Variants in LSAMP observed in about 807,000 individuals in gnomAD.
The protein encoded by LSAMP is limbic system associated membrane protein, also known as limbic system-associated membrane protein.
LSAMP carries 7 observed loss-of-function variants against 38.6 expected under a neutral mutation model. The observed-to-expected ratio is 0.18, with a 90% CI of 0.10 to 0.34. The LOEUF is 0.34. LSAMP is among the 10% of genes least tolerant of loss of function. The pLI is 1.00. For missense variants in LSAMP, 313 were observed against 420.0 expected, an observed-to-expected ratio of 0.75 and a Z score of 2.23; for synonymous variants, 154 against 166.8, an observed-to-expected ratio of 0.92 and a Z score of 0.59.
At chr3:116,356,984 G>A (rs1436579145) in intron 1 of LSAMP, among the ~76,000 whole-genome samples, 7 of 151,978 alleles carry the variant, frequency 4.6e-5, no homozygotes, top group Non-Finnish European at 8.8e-5. Context: ...TAGTAGAGAC[G>A]GGGTTTCACC....
rs73858511 is a variant in LSAMP, at chr3:116,065,574, T to C, written c.388+20750A>G. Among the ~76,000 whole-genome samples the C allele has an allele frequency of 3.8e-3, 581 of 152,318 alleles. 6 individuals are homozygous for C. The highest frequency in any genetic ancestry group is 0.013 in the African/African-American group (548 of 41,566). On this transcript the variant is annotated intron_variant, in intron 2 of 6. Transcript: ENST00000490035. ...AGTTTTGTTATCATAATCCACTCCATTTCTTAAGATCTTAAATTATAAAAT... is the reference window on the plus strand; with the variant it reads ...AGTTTTGTTATCATAATCCACTCCACTTCTTAAGATCTTAAATTATAAAAT...
At chr3:116,386,143 T>C (rs1009610208) in intron 1 of LSAMP, among the ~76,000 whole-genome samples, 3 of 152,126 alleles carry the variant, frequency 2.0e-5, no homozygotes, top group Non-Finnish European at 4.4e-5. Context: ...CAGATCTGCT[T>C]AAAAACCCTA....
At chr3:116,395,381 AAAGT>A (rs1403659189) in intron 1 of LSAMP, among the ~76,000 whole-genome samples, 1 of 152,214 alleles carries the variant, frequency 6.6e-6, no homozygotes, top group African/African-American at 2.4e-5. Context: ...AGTTTGTTTC[AAAGT>A]AAGTATAGCT....
chr3:116,204,186 G>C (rs2046031245), intron 1 of LSAMP, among the ~76,000 whole-genome samples: 3 of 151,814 alleles, frequency 2.0e-5, no homozygotes, highest in Admixed American at 6.6e-5. Flanking sequence ...TTTTTTGGCT[G>C]CATAAATGTC....
At chr3:115,917,438 C>T (rs1197829859) in intron 3 of LSAMP, among the ~76,000 whole-genome samples, 1 of 152,160 alleles carries the variant, frequency 6.6e-6, no homozygotes, top group African/African-American at 2.4e-5. Context: ...ATCACTTTTC[C>T]AGAGGTAGCT....
chr3:115,901,067 T>C (rs1309510916), intron 3 of LSAMP, among the ~76,000 whole-genome samples: 2 of 152,146 alleles, frequency 1.3e-5, no homozygotes, highest in Non-Finnish European at 2.9e-5. Context: ...GGCTCTGCTA[T>C]ACATGCTGAG....
rs56012707 is a variant in LSAMP at position 116,422,857 on chromosome 3, C to T, written c.155+22020G>A. Among the ~76,000 whole-genome samples the T allele has an allele frequency of 4.2e-3, 635 of 152,310 alleles. 2 individuals are homozygous for T. The highest frequency in any genetic ancestry group is 6.7e-3 in the Non-Finnish European group (454 of 68,024). Reference sequence around the variant, plus strand: ...CAGAAATGTCTTACCTGGATACCTTCTCCAAAATATCCTTTTCATAGTTTT... The same window carrying T: ...CAGAAATGTCTTACCTGGATACCTTTTCCAAAATATCCTTTTCATAGTTTT... On this transcript the variant is annotated intron_variant, in intron 1 of 6. Transcript: ENST00000490035.
chr3:115,907,426 A>C (rs1012655188), intron 3 of LSAMP, among the ~76,000 whole-genome samples: 7 of 151,782 alleles, frequency 4.6e-5, no homozygotes, highest in African/African-American at 1.7e-4. Flanking sequence ...GATGCCATCT[A>C]TGAAGCAGAG....
intron 2 of LSAMP, among the ~76,000 whole-genome samples, chr3:116,083,898 C>A (rs1197319551): frequency 6.6e-6 from 1 of 152,154 alleles, no homozygotes; most frequent in Non-Finnish European, 1.5e-5. Flanking sequence ...TGCTTGAGAT[C>A]AAATTATCTA....
intron 2 of LSAMP, among the ~76,000 whole-genome samples, chr3:116,077,982 G>T (rs1707783751): frequency 6.6e-6 from 1 of 152,200 alleles, no homozygotes; most frequent in Admixed American, 6.5e-5. Flanking sequence ...TTTGGCAAAT[G>T]ATGCCAATTT....
At chr3:116,071,790 C>T (rs1420395170) in intron 2 of LSAMP, among the ~76,000 whole-genome samples, 1 of 152,034 alleles carries the variant, frequency 6.6e-6, no homozygotes, top group African/African-American at 2.4e-5. Context: ...TGTTGTTCCC[C>T]CTCAAGTGTC....
intron 1 of LSAMP, among the ~76,000 whole-genome samples, chr3:116,379,106 C>A (rs1040731558): frequency 2.0e-5 from 3 of 151,526 alleles, no homozygotes; most frequent in Non-Finnish European, 4.4e-5. Context: ...ATGCTGTTGT[C>A]TTTCAAGGTA....
In LSAMP at chr3:116,263,071, G is replaced by T. The variant is rs182506527; in HGVS notation, c.156-176515C>A. 6.0e-4 allele frequency among the ~76,000 whole-genome samples: 92 copies of T among 152,250 alleles called. 1 individual carries two copies. The highest frequency in any genetic ancestry group is 2.1e-3 in the African/African-American group (87 of 41,532). ...GGGGAAGCCTGTCTGCTCTCTAATGGTCAAAGGGAATATAACACTATAAAA... is the reference window on the plus strand; with the variant it reads ...GGGGAAGCCTGTCTGCTCTCTAATGTTCAAAGGGAATATAACACTATAAAA... On this transcript the variant is annotated intron_variant, in intron 1 of 6. Coordinates refer to ENST00000490035, the MANE Select transcript of LSAMP (RefSeq NM_002338.5).
At chr3:116,084,776 A>T (rs1707950928) in intron 2 of LSAMP, among the ~76,000 whole-genome samples, 1 of 152,158 alleles carries the variant, frequency 6.6e-6, no homozygotes, top group South Asian at 2.1e-4. Context: ...TTTCAAGCAT[A>T]ACCCATTATA....
intron 1 of LSAMP, among the ~76,000 whole-genome samples, chr3:116,110,711 AG>A: frequency 6.6e-6 from 1 of 152,302 alleles, no homozygotes; most frequent in South Asian, 2.1e-4. Flanking sequence ...CTGAGGTCAT[AG>A]GTGGATCTTT....
chr3:116,015,285 T>A (rs1020107037), intron 3 of LSAMP, among the ~76,000 whole-genome samples: 2 of 152,166 alleles, frequency 1.3e-5, no homozygotes, highest in Admixed American at 1.3e-4. Flanking sequence ...AAACTCTTTC[T>A]GTGACCCTGA....
At chr3:115,951,524 G>T (rs1348514958) in intron 3 of LSAMP, among the ~76,000 whole-genome samples, 3 of 152,178 alleles carry the variant, frequency 2.0e-5, no homozygotes, top group African/African-American at 7.2e-5. Flanking sequence ...TGGTGTGTCT[G>T]TGAGGGTGCT....
At chr3:116,159,543 C>T (rs573807347) in intron 1 of LSAMP, among the ~76,000 whole-genome samples, 1 of 151,728 alleles carries the variant, frequency 6.6e-6, no homozygotes, top group African/African-American at 2.4e-5. Flanking sequence ...AAATAAAAAC[C>T]ACGAGATAAT....
chr3:116,060,954 A>T (rs1421535331), intron 2 of LSAMP, among the ~76,000 whole-genome samples: 2 of 151,854 alleles, frequency 1.3e-5, no homozygotes, highest in Non-Finnish European at 2.9e-5. Context: ...AATAAAATTA[A>T]TTTTTAACAT....
Sources: gnomAD v4.1 joint callset for allele counts (sites outside exome capture counted in the v4.1 genomes callset) on GRCh38, gnomAD v4.1.1 for gene constraint, MANE v1.5 for transcripts, NCBI Gene and HGNC (gene_info 2026-07-23, HGNC 2026-07-21) for gene names.